Variants in DOCK7 observed in about 807,000 individuals in gnomAD.
DOCK7 encodes the protein dedicator of cytokinesis 7, also known as dedicator of cytokinesis protein 7.
In DOCK7, 138 loss-of-function variants were observed where a neutral mutation model predicts 271.0. The ratio of observed to expected loss-of-function variants is 0.51; its 90% CI spans 0.44 to 0.59. DOCK7 has a LOEUF of 0.59. Among genes scored for constraint, DOCK7 ranks in the 20% least tolerant of loss-of-function variants. The pLI is 0.00. For missense variants in DOCK7, 2,066 were observed against 2,592.4 expected (o/e 0.80, Z 4.41); for synonymous variants, 823 against 876.1 (o/e 0.94, Z 1.07).
In DOCK7 at chr1:62,524,931, C is replaced by CTATATATATATATATATATATATATA. The variant is rs147371901; in HGVS notation, c.3936+3219_3936+3220insTATATATATATATATATATATATATA. On this transcript the variant is annotated intron_variant, in intron 31 of 49. Coordinates refer to ENST00000635253, the MANE Select transcript of DOCK7 (RefSeq NM_001367561.1). ...AACAAAACAAAACCAACCAACCAAA[C>CTATATATATATATATATATATATATA]TATATATATATATATATATATATAT... 2.6e-3 allele frequency among the ~76,000 whole-genome samples: 264 copies of CTATATATATATATATATATATATATA among 103,482 alleles called. 4 individuals carry two copies. The highest frequency in any genetic ancestry group is 4.3e-3 in the Middle Eastern group (1 of 232). 67.9% of individuals were successfully genotyped at this position (103,482 alleles called of 152,430 possible). A position where few individuals can be genotyped will look rare whatever the true frequency, so the allele number is the denominator to read the frequency against.
At chr1:62,463,178 G>A (rs895485696) in intron 48 of DOCK7, among the ~76,000 whole-genome samples, 5 of 152,108 alleles carry the variant, frequency 3.3e-5, no homozygotes, top group Non-Finnish European at 5.9e-5. Context: ...ACAGAGGAGG[G>A]AAGAGAAATG....
chr1:62,456,270 A>T (rs1645345006), intron 49 of DOCK7, among the ~76,000 whole-genome samples: 1 of 152,246 alleles, frequency 6.6e-6, no homozygotes, highest in Non-Finnish European at 1.5e-5. Flanking sequence ...CTGATTTCAT[A>T]AACCAGCAAA....
Position 62,545,039 on chromosome 1 carries a change from C to A in DOCK7, c.2767G>T (p.Gly923Cys), listed in dbSNP as rs868148362. 31 of 1,547,572 alleles carry A rather than the reference C, an allele frequency of 2.0e-5. No homozygotes were observed. In the African/African-American group the frequency reaches 4.1e-4, roughly 21 times the overall value. ...DEVRSIIGSK[G>C]LDRSNSWVNT... ...ACCCAGGAATTGGAGCGATCTAAAC[C>A]CTAAGCATATAATAGAAAGCAGTTT... The change falls in exon 23 of 50, where the codon GGT becomes TGT. Residue 923 changes from glycine to cysteine, a missense_variant and splice_region_variant. Physicochemically the swap from Gly to Cys is radical, Grantham distance 159. Around this residue, in one of 2 missense-constraint regions of DOCK7, gnomAD observed 1,414 missense variants for 1,670.4 expected, o/e 0.85. Transcript: ENST00000635253.
intron 21 of DOCK7, among the ~76,000 whole-genome samples, chr1:62,553,517 C>G (rs1425979156): frequency 2.1e-4 from 31 of 149,840 alleles, no homozygotes; most frequent in African/African-American, 7.4e-4. Flanking sequence ...TACAGGCACA[C>G]ACCACCATGC....
chr1:62,582,506 C>T (rs1647163771), intron 16 of DOCK7, among the ~76,000 whole-genome samples: 1 of 138,962 alleles, frequency 7.2e-6, no homozygotes. Context: ...GCCGAGATCC[C>T]GCCACTGCAC....
At chr1:62,462,003 G>A (rs903828379) in intron 48 of DOCK7, among the ~76,000 whole-genome samples, 6 of 151,456 alleles carry the variant, frequency 4.0e-5, no homozygotes, top group African/African-American at 1.2e-4. Flanking sequence ...CCCAGGAGGC[G>A]GAGGTTGCAG....
At chr1:62,601,822 ATGT>A (rs1650164895) in intron 14 of DOCK7, 1 of 1,610,302 alleles carries the variant, frequency 6.2e-7, no homozygotes, top group African/African-American at 1.3e-5. Flanking sequence ...TACAAGTGGC[ATGT>A]ATGCCATCAG....
chr1:62,633,631 G>C, intron 9 of DOCK7, 53 bp from the exon 10 acceptor site: 1 of 1,313,572 alleles, frequency 7.6e-7, no homozygotes, highest in African/African-American at 1.5e-5. Context: ...TGAAATTCAA[G>C]GATGGTTCAA....
chr1:62,466,221 C>T (rs568086430), intron 48 of DOCK7, among the ~76,000 whole-genome samples: 1 of 151,392 alleles, frequency 6.6e-6, no homozygotes, highest in East Asian at 1.9e-4. Context: ...TTTTTCTGAA[C>T]AGATTTTTAA....
At chr1:62,671,605 G>T (rs754018632) in intron 1 of DOCK7, among the ~76,000 whole-genome samples, 2 of 152,144 alleles carry the variant, frequency 1.3e-5, no homozygotes, top group Non-Finnish European at 2.9e-5. Flanking sequence ...CATAAGTGAT[G>T]TTGGTTTCTA....
intron 18 of DOCK7, among the ~76,000 whole-genome samples, chr1:62,575,102 C>A (rs946408419): frequency 6.6e-6 from 1 of 152,142 alleles, no homozygotes; most frequent in Non-Finnish European, 1.5e-5. Flanking sequence ...TAGTCAAAGG[C>A]ACAACCACAG....
chr1:62,539,726 A>G (rs1370770142), intron 26 of DOCK7, 26 bp downstream of exon 26: 8 of 1,611,572 alleles, frequency 5.0e-6, no homozygotes, highest in Admixed American at 1.7e-5. Flanking sequence ...TGAAAGAGAG[A>G]TAAGTGGGGA....
At chr1:62,560,323 T>C (rs959149032) in intron 19 of DOCK7, among the ~76,000 whole-genome samples, 4 of 152,170 alleles carry the variant, frequency 2.6e-5, no homozygotes, top group Non-Finnish European at 5.9e-5. Flanking sequence ...ATATTCTCCA[T>C]GGAAAATCAC....
intron 1 of DOCK7, 102 bp downstream of exon 1, chr1:62,688,125 G>A: frequency 8.4e-7 from 1 of 1,184,584 alleles, no homozygotes; most frequent in Non-Finnish European, 1.0e-6. Flanking sequence ...GGATCCCGGT[G>A]CCGGCCCCGC....
intron 14 of DOCK7, among the ~76,000 whole-genome samples, chr1:62,598,993 T>C (rs911734138): frequency 6.6e-6 from 1 of 152,114 alleles, no homozygotes; most frequent in African/African-American, 2.4e-5. Context: ...AAACTTTGTG[T>C]GACCTTGAAT....
chr1:62,548,244 C>A (rs150096223), intron 22 of DOCK7, among the ~76,000 whole-genome samples: 1,539 of 149,482 alleles, frequency 0.01, 7 homozygotes, highest in South Asian at 0.039. Flanking sequence ...AACAGAATAA[C>A]AGGATTAGAA....
At chr1:62,464,706 A>G (rs1269921514) in intron 48 of DOCK7, among the ~76,000 whole-genome samples, 1 of 151,860 alleles carries the variant, frequency 6.6e-6, no homozygotes, top group African/African-American at 2.4e-5. Context: ...AAAAACAAAC[A>G]GACTGACCAA....
chr1:62,593,336 A>C (rs1472294418), intron 14 of DOCK7, among the ~76,000 whole-genome samples: 1 of 152,120 alleles, frequency 6.6e-6, no homozygotes, highest in Non-Finnish European at 1.5e-5. Context: ...CTGGGAGGCC[A>C]AGGTAGGCAG....
At chr1:62,520,790 A>G (rs997240977) in intron 31 of DOCK7, among the ~76,000 whole-genome samples, 1 of 152,234 alleles carries the variant, frequency 6.6e-6, no homozygotes, top group African/African-American at 2.4e-5. Flanking sequence ...TCTACTATAA[A>G]GACACATGCA....
Sources: allele counts gnomAD v4.1 joint callset (sites outside exome capture counted in the v4.1 genomes callset), GRCh38; gene constraint gnomAD v4.1.1; regional missense constraint gnomAD v4.1.1; transcripts MANE v1.5; gene names NCBI Gene and HGNC (gene_info 2026-07-23, HGNC 2026-07-21).